The following RBAK variants were observed in gnomAD, a reference collection of about 807,000 sequenced individuals.
The protein encoded by RBAK is RB-associated KRAB zinc finger protein.
RBAK carries 39 observed loss-of-function variants against 65.8 expected under a neutral mutation model. The ratio of observed to expected loss-of-function variants is 0.59; its 90% CI spans 0.46 to 0.77. The LOEUF is 0.77. Ranked by LOEUF, RBAK falls within the 30% of genes least tolerant of loss-of-function variation. The pLI is 0.00. For synonymous variants in RBAK, 343 were observed against 289.7 expected (o/e 1.18, Z -1.87); for missense variants, 884 against 855.1 (o/e 1.03, Z -0.42).
chr7:5,053,938 G>A (rs1788169524), intron 2 of RBAK, among the ~76,000 whole-genome samples: 2 of 152,016 alleles, frequency 1.3e-5, no homozygotes, highest in African/African-American at 4.8e-5. Flanking sequence ...CTTCCTTATG[G>A]TTGTAATTTC....
Position 5,065,614 on chromosome 7 carries a change from A to G in RBAK, c.*13A>G, listed in dbSNP as rs1779199202. The G allele has an allele frequency of 2.8e-5, 42 of 1,476,002 alleles. No individual in the cohort carries two copies. Among genetic ancestry groups the G allele is most frequent in the Non-Finnish European group, 3.8e-5 (42 of 1,105,764 alleles). The allele number at this position is 1,476,002 out of a possible 1,614,324, so 91.4% of individuals were successfully genotyped here. On this transcript the variant is annotated 3_prime_UTR_variant, in exon 5 of 5. Coordinates refer to ENST00000396912, the MANE Select transcript of RBAK (RefSeq NM_021163.4). This position sits in a 1 kb window ranked among gnomAD's most constrained non-coding sequence, Gnocchi z 5.3. Reference sequence around the variant, plus strand: ...GGAAAATCTCTGAAGTCAGATCTCAATTTTTAGAAAACTCTCTGAATATAA... The same window carrying G: ...GGAAAATCTCTGAAGTCAGATCTCAGTTTTTAGAAAACTCTCTGAATATAA...
In RBAK at chr7:5,063,697, G is replaced by A; in HGVS notation, c.241G>A (p.Ala81Thr). The A allele has an allele frequency of 6.3e-7, 1 of 1,592,708 alleles. No homozygotes were observed. The highest frequency in any genetic ancestry group is 8.5e-7 in the Non-Finnish European group (1 of 1,171,864). Reference protein sequence around the residue: ...GEFPCQHSPEAWRVDDLIERI... With the variant: ...GEFPCQHSPETWRVDDLIERI... ...TGTTTACTATTTTTCCTTTTTAGAA[G>A]CCTGGAGAGTTGATGACCTGATAGA... Residue 81 changes from alanine (A) to threonine (T), a missense_variant and splice_region_variant, in exon 5 of 5, where the codon GCC becomes ACC. Transcript: ENST00000396912.
In RBAK at chr7:5,047,191, G is replaced by C. The variant is rs375400824; in HGVS notation, c.-45+795G>C. 3.9e-5 allele frequency among the ~76,000 whole-genome samples: 6 copies of C among 152,268 alleles called. No individual in the cohort carries two copies. In the South Asian group the frequency reaches 1.0e-3, roughly 26 times the overall value. ...AAGGCAAGAGTATCCCTTGAGACCA[G>C]GAGTTAGAGACCAGCCTAGGCAACA... On this transcript the variant is annotated intron_variant, in intron 1 of 4. Coordinates refer to ENST00000396912, the MANE Select transcript of RBAK (RefSeq NM_021163.4).
At chr7:5,053,660 T>C (rs1315864924) in intron 2 of RBAK, among the ~76,000 whole-genome samples, 3 of 152,224 alleles carry the variant, frequency 2.0e-5, no homozygotes, top group Admixed American at 6.5e-5. Flanking sequence ...TTTTAATTCT[T>C]TTTTCTCTGT....
intron 3 of RBAK, 81 bp from the exon 4 acceptor site, chr7:5,057,603 T>G: frequency 6.2e-7 from 1 of 1,600,190 alleles, no homozygotes; most frequent in Non-Finnish European, 8.5e-7. Flanking sequence ...TTATGCAGCT[T>G]ATGAGGTGGC....
chr7:5,049,266 A>G (rs1002385043), intron 2 of RBAK, among the ~76,000 whole-genome samples: 11 of 152,228 alleles, frequency 7.2e-5, no homozygotes, highest in African/African-American at 2.7e-4. Context: ...AACTTGGTGC[A>G]TATAATTTTT....
chr7:5,064,845 C>G lies in RBAK; in HGVS notation c.1389C>G (p.Gly463=), dbSNP rs374417308. 6 of 1,613,114 alleles carry G rather than the reference C, an allele frequency of 3.7e-6. No individual in the cohort carries two copies. Among genetic ancestry groups the G allele is most frequent in the Non-Finnish European group, 4.2e-6 (5 of 1,179,602 alleles). Residue 463 remains glycine (G), a synonymous_variant, in exon 5 of 5, where the codon GGC becomes GGG. Coordinates refer to ENST00000396912, the MANE Select transcript of RBAK (RefSeq NM_021163.4). This position sits in a 1 kb window ranked among gnomAD's most constrained non-coding sequence, Gnocchi z 6.3. ...EEKPYECNEC[G]KTFNLNSAFI... ...AACCCTATGAATGTAATGAATGTGG[C>G]AAAACCTTCAATTTAAATTCAGCCT...
At position 5,048,948 on chromosome 7, in the gene RBAK, C is replaced by T. The variant is rs971138390; in HGVS notation, c.15+857C>T. ...AGAACAGCACCAAAAGGGAAATTGC[C>T]CCCATGATCCAATCACCTCCCACCA... On this transcript the variant is annotated intron_variant, in intron 2 of 4. Coordinates refer to ENST00000396912, the MANE Select transcript of RBAK (RefSeq NM_021163.4). This position sits in a 1 kb window ranked among gnomAD's most constrained non-coding sequence, Gnocchi z 4.4. 6.6e-6 allele frequency among the ~76,000 whole-genome samples: 1 copy of T among 152,142 alleles called. No individual in the cohort carries two copies. Among genetic ancestry groups the T allele is most frequent in the African/African-American group, 2.4e-5 (1 of 41,410 alleles).
intron 4 of RBAK, among the ~76,000 whole-genome samples, chr7:5,060,238 G>A (rs1186567416): frequency 1.3e-5 from 2 of 152,138 alleles, no homozygotes; most frequent in Admixed American, 6.5e-5. Context: ...TTACCAAGGA[G>A]CTAGGTAAAA....
At chr7:5,058,206 C>G (rs891964016) in intron 4 of RBAK, among the ~76,000 whole-genome samples, 1 of 152,138 alleles carries the variant, frequency 6.6e-6, no homozygotes, top group Non-Finnish European at 1.5e-5. Context: ...TCCCAAGTAG[C>G]TGGGATTACA....
In RBAK at chr7:5,046,058, C is replaced by T. The variant is rs574453722; in HGVS notation, c.-383C>T. On this transcript the variant is annotated 5_prime_UTR_variant, in exon 1 of 5. Transcript: ENST00000396912. ...TTGAGCGGGGACCCCCGAGCTTGAG[C>T]CCCGGAGCCGGCGGCGCTGGGGCCA... 336 of 282,984 alleles carry T rather than the reference C, an allele frequency of 1.2e-3. 3 individuals are homozygous for T. Among genetic ancestry groups the T allele is most frequent in the Middle Eastern group, 6.5e-3 (5 of 770 alleles). 17.5% of individuals were successfully genotyped at this position (282,984 alleles called of 1,614,324 possible).
chr7:5,059,438 A>T (rs75547560), intron 4 of RBAK, among the ~76,000 whole-genome samples: 1 of 151,870 alleles, frequency 6.6e-6, no homozygotes, highest in East Asian at 1.9e-4. Context: ...CCCCTGCCTC[A>T]GCCTCCCAAA....
intron 4 of RBAK, among the ~76,000 whole-genome samples, chr7:5,059,266 C>T (rs547776145): frequency 1.3e-5 from 2 of 152,108 alleles, no homozygotes; most frequent in Non-Finnish European, 2.9e-5. Flanking sequence ...TACTTGCCCA[C>T]ATAATACATA....
At chr7:5,057,003 CT>C in intron 2 of RBAK, 1 of 155,964 alleles carries the variant, frequency 6.4e-6, no homozygotes, top group Non-Finnish European at 1.4e-5. Context: ...CAAAGCTCAG[CT>C]AGTTCACTTG....
intron 2 of RBAK, among the ~76,000 whole-genome samples, chr7:5,056,591 CT>C (rs1788237755): frequency 1.3e-5 from 2 of 152,186 alleles, no homozygotes; most frequent in African/African-American, 2.4e-5. Context: ...ATTTGATCCT[CT>C]TTTGTTAAAT....
At chr7:5,057,997 C>G (rs1778970472) in intron 4 of RBAK, among the ~76,000 whole-genome samples, 1 of 152,116 alleles carries the variant, frequency 6.6e-6, no homozygotes, top group South Asian at 2.1e-4. Context: ...GAGACCCATT[C>G]ACTTCCTCTT....
intron 2 of RBAK, among the ~76,000 whole-genome samples, chr7:5,051,340 ACATATTTTTATATATTTT>A (rs1788112999): frequency 6.6e-6 from 1 of 152,154 alleles, no homozygotes; most frequent in Non-Finnish European, 1.5e-5. Context: ...ATATGTGTGT[ACATATTTTTATATATTTT>A]TTTTCTGAAC....
intron 2 of RBAK, among the ~76,000 whole-genome samples, chr7:5,051,306 A>T (rs12234314): frequency 0.22 from 32,731 of 151,994 alleles, 3,981 homozygotes; most frequent in East Asian, 0.55. Flanking sequence ...TTCCCACATT[A>T]ATCATTTATA....
At position 5,065,175 on chromosome 7, in the gene RBAK, G is replaced by A; in HGVS notation, c.1719G>A (p.Gly573=). Residue 573 remains glycine (G), a synonymous_variant, in exon 5 of 5, where the codon GGG becomes GGA. Coordinates refer to ENST00000396912, the MANE Select transcript of RBAK (RefSeq NM_021163.4). The surrounding 1 kb of genome is among the most constrained non-coding windows in gnomAD (Gnocchi z 5.3). ...AACCTTATGGATGTAGCGAATGTGG[G>A]AAAACCTTTTCCCATAATTCATCCC... ...EEKPYGCSEC[G]KTFSHNSSLF... is the part of the protein sequence containing the mutation. The A allele has an allele frequency of 6.2e-7, 1 of 1,613,628 alleles. No homozygotes were observed. The highest frequency in any genetic ancestry group is 8.5e-7 in the Non-Finnish European group (1 of 1,179,870).
Sources: gnomAD v4.1 joint callset for allele counts (sites outside exome capture counted in the v4.1 genomes callset) on GRCh38, gnomAD v4.1.1 for gene constraint, Gnocchi (gnomAD v3.1) non-coding constraint, MANE v1.5 for transcripts, NCBI Gene and HGNC (gene_info 2026-07-23, HGNC 2026-07-21) for gene names.